SYT2: variants seen among roughly 807,000 people sequenced by gnomAD.
SYT2 encodes synaptotagmin-2.
In SYT2, 15 loss-of-function variants were observed where a neutral mutation model predicts 39.9. The ratio of observed to expected loss-of-function variants is 0.38; its 90% CI spans 0.25 to 0.58. The LOEUF (loss-of-function observed/expected upper bound fraction) is 0.58. Among genes scored for constraint, SYT2 ranks in the 20% least tolerant of loss-of-function variants. The pLI, the probability that SYT2 is intolerant of heterozygous loss-of-function variation, is 0.70. For missense variants in SYT2, 389 were observed against 530.3 expected, an observed-to-expected ratio of 0.73 and a Z score of 2.62; for synonymous variants, 181 against 204.5, an observed-to-expected ratio of 0.89 and a Z score of 0.98.
intron 1 of SYT2, among the ~76,000 whole-genome samples, chr1:202,647,211 C>T (rs930087535): frequency 1.3e-5 from 2 of 152,212 alleles, no homozygotes; most frequent in Non-Finnish European, 2.9e-5. Context: ...ATGGCAACTC[C>T]TAAGTCCCTC....
intron 1 of SYT2, among the ~76,000 whole-genome samples, chr1:202,667,118 G>A (rs1358638007): frequency 6.6e-6 from 1 of 152,184 alleles, no homozygotes; most frequent in Admixed American, 6.5e-5. Flanking sequence ...ACAGTTGATA[G>A]AGAACTGAGA....
rs142582285 is a variant in SYT2 at position 202,691,589 on chromosome 1, G to A, written c.-18+18669C>T. ...CACTTGAGCCCAGGAGGTCGAGGTT[G>A]CAGTGAGCTGAAATCATGCCACTGT... On this transcript the variant is annotated intron_variant, in intron 1 of 8. Coordinates refer to ENST00000367268, the MANE Select transcript of SYT2 (RefSeq NM_177402.5). 6.1e-3 allele frequency among the ~76,000 whole-genome samples: 929 copies of A among 151,452 alleles called. 10 individuals are homozygous for A. Among genetic ancestry groups the A allele is most frequent in the African/African-American group, 0.022 (889 of 41,228 alleles).
At chr1:202,706,141 C>T (rs1005198040) in intron 1 of SYT2, among the ~76,000 whole-genome samples, 7 of 152,254 alleles carry the variant, frequency 4.6e-5, no homozygotes, top group African/African-American at 1.7e-4. Flanking sequence ...CTGGCTACTT[C>T]CTTGAACTGT....
At chr1:202,606,168 C>T (rs1159764629) in intron 1 of SYT2, among the ~76,000 whole-genome samples, 1 of 152,156 alleles carries the variant, frequency 6.6e-6, no homozygotes, top group East Asian at 1.9e-4. Context: ...CATTATTCAT[C>T]TAATCCAAAA....
intron 1 of SYT2, among the ~76,000 whole-genome samples, chr1:202,675,813 G>A (rs529838915): frequency 2.0e-5 from 3 of 152,226 alleles, no homozygotes; most frequent in African/African-American, 7.2e-5. Context: ...TCCAGCTTAG[G>A]GTCAAGCCAC....
chr1:202,649,408 C>T (rs375049129), intron 1 of SYT2, among the ~76,000 whole-genome samples: 15 of 152,130 alleles, frequency 9.9e-5, no homozygotes, highest in Admixed American at 2.0e-4. Flanking sequence ...ATAGGAAGCA[C>T]GAATTCATGC....
chr1:202,599,750 C>T lies in SYT2; in HGVS notation c.920-399G>A, dbSNP rs746233169. 3.3e-5 allele frequency among the ~76,000 whole-genome samples: 5 copies of T among 152,144 alleles called. No individual in the cohort carries two copies. The highest frequency in any genetic ancestry group is 6.5e-5 in the Admixed American group (1 of 15,278). ...CAGACAAGAAACTGAGGCCAAAGAA[C>T]GGAAATGACCTGCCCGAGGTCACAC... On this transcript the variant is annotated intron_variant, in intron 7 of 8. Coordinates refer to ENST00000367268, the MANE Select transcript of SYT2 (RefSeq NM_177402.5). The surrounding 1 kb of genome is among the most constrained non-coding windows in gnomAD (Gnocchi z 4.4).
At chr1:202,604,817 GCTTTTT>G (rs1690643652) in intron 2 of SYT2, among the ~76,000 whole-genome samples, 196 bp from the exon 3 acceptor site, 1 of 91,754 alleles carries the variant, frequency 1.1e-5, no homozygotes, top group Non-Finnish European at 2.1e-5. Context: ...ATCATGCCTT[GCTTTTT>G]TTTTTTTTTT....
chr1:202,667,034 T>G (rs1692492295), intron 1 of SYT2, among the ~76,000 whole-genome samples: 1 of 152,190 alleles, frequency 6.6e-6, no homozygotes. Flanking sequence ...GTCATTATGT[T>G]CTCTTTCCCA....
chr1:202,645,330 T>C (rs1443485777), intron 1 of SYT2, among the ~76,000 whole-genome samples: 1 of 152,078 alleles, frequency 6.6e-6, no homozygotes, highest in East Asian at 1.9e-4. Flanking sequence ...TCCTCTTCGG[T>C]TTCTCCCTGG....
At chr1:202,702,829 C>T (rs1053858187) in intron 1 of SYT2, among the ~76,000 whole-genome samples, 7 of 152,224 alleles carry the variant, frequency 4.6e-5, no homozygotes, top group Non-Finnish European at 8.8e-5. Context: ...ATGGGCTTTT[C>T]TCCAAATAAA....
At chr1:202,643,924 G>C (rs1379271610) in intron 1 of SYT2, among the ~76,000 whole-genome samples, 1 of 152,234 alleles carries the variant, frequency 6.6e-6, no homozygotes, top group African/African-American at 2.4e-5. Context: ...GGATTAGCTG[G>C]GGGAGGGGAC....
At chr1:202,612,222 T>C (rs1450278924) in intron 1 of SYT2, among the ~76,000 whole-genome samples, 2 of 152,210 alleles carry the variant, frequency 1.3e-5, no homozygotes, top group Non-Finnish European at 2.9e-5. Flanking sequence ...TGAGGGTTTA[T>C]TTCTGGACTC....
At position 202,604,052 on chromosome 1, in the gene SYT2, G is replaced by A. The variant is rs141576078; in HGVS notation, c.345+403C>T. Among the ~76,000 whole-genome samples, 162 of 152,294 alleles carry A rather than the reference G, an allele frequency of 1.1e-3. 1 individual carries two copies. The highest frequency in any genetic ancestry group is 3.7e-3 in the African/African-American group (155 of 41,556). On this transcript the variant is annotated intron_variant, in intron 3 of 8. Coordinates refer to ENST00000367268, the MANE Select transcript of SYT2 (RefSeq NM_177402.5). ...CTTGGTGCCTCAGGGTCACTCTTCC[G>A]CCTCATTTGATTCCCGCCCCATGCC...
At position 202,600,451 on chromosome 1, in the gene SYT2, G is replaced by A. The variant is rs778365654; in HGVS notation, c.825C>T (p.Cys275=). ...CCGTGGGCACATAGCGCAGGGAGGTGCAGATGTCGCCCAGCTTCTCCGGCT... is the reference window on the plus strand; with the variant it reads ...CCGTGGGCACATAGCGCAGGGAGGTACAGATGTCGCCCAGCTTCTCCGGCT... ...KEEPEKLGDI[C]TSLRYVPTAG... is the part of the protein sequence containing the mutation. The change falls in exon 7 of 9, where the codon TGC becomes TGT. Residue 275 remains cysteine (C), a synonymous_variant. Coordinates refer to ENST00000367268, the MANE Select transcript of SYT2 (RefSeq NM_177402.5). The A allele has an allele frequency of 7.4e-6, 12 of 1,614,208 alleles. No homozygotes were observed. The South Asian group carries it at 8.8e-5, about 12-fold the overall frequency.
chr1:202,695,659 T>C (rs556995162), intron 1 of SYT2, among the ~76,000 whole-genome samples: 1 of 152,334 alleles, frequency 6.6e-6, no homozygotes, highest in African/African-American at 2.4e-5. Flanking sequence ...GGACCTGGCA[T>C]CTTCCTCTCA....
intron 1 of SYT2, among the ~76,000 whole-genome samples, chr1:202,694,644 C>A (rs1000474328): frequency 1.3e-5 from 2 of 152,052 alleles, no homozygotes; most frequent in Non-Finnish European, 2.9e-5. Flanking sequence ...GAAGGGGTTC[C>A]GCCCTGCTAA....
chr1:202,695,901 T>G (rs1653961619), intron 1 of SYT2, among the ~76,000 whole-genome samples: 1 of 152,258 alleles, frequency 6.6e-6, no homozygotes, highest in Non-Finnish European at 1.5e-5. Flanking sequence ...ATCTGCCATG[T>G]GCACTCCTCC....
In SYT2 at chr1:202,639,823, C is replaced by T. The variant is rs566304812; in HGVS notation, c.-17-34034G>A. 5.5e-5 allele frequency: 54 copies of T among 985,442 alleles called. No individual in the cohort carries two copies. In the African/African-American group the frequency reaches 6.5e-4, roughly 12 times the overall value. The allele number at this position is 985,442 out of a possible 1,614,324, so 61.0% of individuals were successfully genotyped here. On this transcript the variant is annotated intron_variant, in intron 1 of 8. Transcript: ENST00000367268. ...TGCGCAGCAAGAGGAGGACACAGGA[C>T]GTTGGGGCATTTTGGGGGATCGTGT...
Sources: gnomAD v4.1 joint callset for allele counts (sites outside exome capture counted in the v4.1 genomes callset) on GRCh38, gnomAD v4.1.1 for gene constraint, Gnocchi (gnomAD v3.1) non-coding constraint, MANE v1.5 for transcripts, NCBI Gene and HGNC (gene_info 2026-07-23, HGNC 2026-07-21) for gene names.